MTREX: variants seen among roughly 807,000 people sequenced by gnomAD.
MTREX encodes exosome RNA helicase MTR4.
Under a neutral mutation model 135.4 loss-of-function variants are expected in MTREX, and 76 were observed. The ratio of observed to expected loss-of-function variants is 0.56; its 90% confidence interval spans 0.47 to 0.68. The LOEUF (loss-of-function observed/expected upper bound fraction) is 0.68, where lower values mean the gene tolerates loss of function less well. MTREX is among the 30% of genes least tolerant of loss of function. The pLI, the probability that MTREX is intolerant of heterozygous loss-of-function variation, is 0.00. For missense variants in MTREX, 920 were observed against 1,262.1 expected (o/e 0.73, Z 4.11); for synonymous variants, 404 against 401.6 (o/e 1.01, Z -0.07).
chr5:55,349,269 C>CT (rs1463414081), intron 11 of MTREX, among the ~76,000 whole-genome samples: 1 of 151,476 alleles, frequency 6.6e-6, no homozygotes, highest in African/African-American at 2.4e-5. Context: ...TCACTGCAGC[C>CT]TCAGCCTCCT....
At chr5:55,337,180 G>A (rs904569633) in intron 5 of MTREX, among the ~76,000 whole-genome samples, 1 of 152,036 alleles carries the variant, frequency 6.6e-6, no homozygotes, top group Non-Finnish European at 1.5e-5. Context: ...GAATGCAATG[G>A]CATAATCATG....
chr5:55,397,833 G>A (rs1413709862), intron 20 of MTREX, among the ~76,000 whole-genome samples: 2 of 152,144 alleles, frequency 1.3e-5, no homozygotes, highest in African/African-American at 2.4e-5. Context: ...ATCATGTACT[G>A]ACAGGACATT....
intron 1 of MTREX, among the ~76,000 whole-genome samples, chr5:55,320,217 GTC>G (rs1462524656): frequency 6.8e-6 from 1 of 147,288 alleles, no homozygotes; most frequent in Non-Finnish European, 1.5e-5. Context: ...TTATTAAAAA[GTC>G]TTTTTTTTTT....
chr5:55,312,307 C>T (rs1465577570), intron 1 of MTREX, among the ~76,000 whole-genome samples: 1 of 151,980 alleles, frequency 6.6e-6, no homozygotes, highest in African/African-American at 2.4e-5. Flanking sequence ...TGAGTTGTGC[C>T]CTAAGGAAGT....
At chr5:55,310,263 A>T (rs1356845374) in intron 1 of MTREX, among the ~76,000 whole-genome samples, 1 of 152,238 alleles carries the variant, frequency 6.6e-6, no homozygotes. Flanking sequence ...TTAGTAGCTT[A>T]AAGGGTTTTG....
Position 55,344,596 on chromosome 5 carries a change from C to CCTG in MTREX, c.983_985dup (p.Leu328dup). 6.2e-7 allele frequency: 1 copy of CCTG among 1,606,808 alleles called. No individual in the cohort carries two copies. Among genetic ancestry groups the CCTG allele is most frequent in the Non-Finnish European group, 8.5e-7 (1 of 1,174,130 alleles). On this transcript the variant is annotated inframe_insertion, in exon 9 of 27. Transcript: ENST00000230640. ...ACATTTTTCCAGCAGGGGGAGATGGCCTGCATCTTGTGGTTGATGAAAATG... is the reference window on the plus strand; with the variant it reads ...ACATTTTTCCAGCAGGGGGAGATGGCCTGCTGCATCTTGTGGTTGATGAAAATG...
intron 2 of MTREX, among the ~76,000 whole-genome samples, chr5:55,323,543 G>A (rs1183060038): frequency 6.6e-6 from 1 of 151,938 alleles, no homozygotes; most frequent in Admixed American, 6.6e-5. Flanking sequence ...CTGCCTCAAT[G>A]TCTTGAGTAG....
At chr5:55,358,500 AAAG>A (rs1749957627) in intron 14 of MTREX, 70 bp from the exon 15 acceptor site, 1 of 1,274,700 alleles carries the variant, frequency 7.8e-7, no homozygotes, top group Non-Finnish European at 1.1e-6. Flanking sequence ...AATTTTATAA[AAAG>A]AGAAATTTTA....
Position 55,349,628 on chromosome 5 carries a change from C to A in MTREX, c.1296C>A (p.Ser432=). The change falls in exon 12 of 27, where the codon TCC becomes TCA. Residue 432 remains serine, a synonymous_variant. Coordinates refer to ENST00000230640, the MANE Select transcript of MTREX (RefSeq NM_015360.5). The stretch of plus-strand genomic sequence containing the variant: ...TCAGTAATGCAATTGATTGCTTATC[C>A]GATGAAGATAAAAAACTCCCTCAGG... ...EVFSNAIDCL[S]DEDKKLPQVE... 6.2e-7 allele frequency: 1 copy of A among 1,600,412 alleles called. No homozygotes were observed. Among genetic ancestry groups the A allele is most frequent in the Non-Finnish European group, 8.6e-7 (1 of 1,168,416 alleles).
intron 19 of MTREX, among the ~76,000 whole-genome samples, chr5:55,391,884 TA>T (rs111323428): frequency 0.14 from 21,336 of 152,148 alleles, 1,890 homozygotes; most frequent in East Asian, 0.26. Flanking sequence ...TAGAAACCCT[TA>T]ACCTGTAAGC....
At chr5:55,312,695 C>A (rs1284196432) in intron 1 of MTREX, among the ~76,000 whole-genome samples, 2 of 152,088 alleles carry the variant, frequency 1.3e-5, no homozygotes, top group African/African-American at 4.8e-5. Context: ...TATGCATATA[C>A]CATATTTGTT....
chr5:55,384,567 G>A (rs918314919), intron 18 of MTREX, among the ~76,000 whole-genome samples: 15 of 152,076 alleles, frequency 9.9e-5, no homozygotes, highest in Non-Finnish European at 1.6e-4. Flanking sequence ...TAACTTTCCT[G>A]TTTCTTTGCA....
chr5:55,377,007 G>A (rs1334733818), intron 16 of MTREX, among the ~76,000 whole-genome samples: 1 of 151,712 alleles, frequency 6.6e-6, no homozygotes, highest in Non-Finnish European at 1.5e-5. Context: ...TGAGGCTGAG[G>A]TTGCAGTGAG....
chr5:55,390,185 C>G (rs1035416029), intron 19 of MTREX, among the ~76,000 whole-genome samples: 3 of 152,154 alleles, frequency 2.0e-5, no homozygotes, highest in Non-Finnish European at 4.4e-5. Flanking sequence ...TCACTACCAC[C>G]TCTGCCTCCT....
intron 1 of MTREX, among the ~76,000 whole-genome samples, chr5:55,318,131 C>G (rs746211763): frequency 6.6e-6 from 1 of 152,074 alleles, no homozygotes; most frequent in Non-Finnish European, 1.5e-5. Flanking sequence ...CAGATGCTGT[C>G]AAGGTTGCAG....
intron 19 of MTREX, 68 bp from the exon 20 acceptor site, chr5:55,397,348 T>C (rs2111584544): frequency 6.1e-6 from 6 of 981,548 alleles, no homozygotes; most frequent in Non-Finnish European, 9.3e-6. Flanking sequence ...GGGATCCAAG[T>C]TTAGGAAATA....
intron 15 of MTREX, among the ~76,000 whole-genome samples, chr5:55,360,405 C>CTTT (rs112334233): frequency 1.4e-5 from 2 of 144,088 alleles, no homozygotes; most frequent in African/African-American, 5.0e-5. Context: ...CTGCTATGAA[C>CTTT]TTTTTTTTTT....
intron 19 of MTREX, among the ~76,000 whole-genome samples, chr5:55,392,495 A>G (rs1750585850): frequency 6.8e-6 from 1 of 148,008 alleles, no homozygotes; most frequent in Admixed American, 6.8e-5. Flanking sequence ...GTGAGCCAAG[A>G]TTGTGTCACT....
At chr5:55,315,912 G>A (rs373325433) in intron 1 of MTREX, among the ~76,000 whole-genome samples, 11 of 148,708 alleles carry the variant, frequency 7.4e-5, no homozygotes, top group Non-Finnish European at 1.3e-4. Context: ...TTTATACCCC[G>A]GCAGAAATCA....
Sources: allele counts gnomAD v4.1 joint callset (sites outside exome capture counted in the v4.1 genomes callset), GRCh38; gene constraint gnomAD v4.1.1; transcripts MANE v1.5; gene names NCBI Gene and HGNC (gene_info 2026-07-23, HGNC 2026-07-21).